The following SPTLC3 variants were observed in gnomAD, a reference collection of about 807,000 sequenced individuals.
SPTLC3 encodes serine palmitoyltransferase 3.
SPTLC3 carries 36 observed loss-of-function variants against 59.3 expected under a neutral mutation model. The observed-to-expected ratio is 0.61, with a 90% CI of 0.47 to 0.80. The LOEUF is 0.80. Among genes scored for constraint, SPTLC3 ranks in the 30% least tolerant of loss-of-function variants. The pLI, the probability that SPTLC3 is intolerant of heterozygous loss-of-function variation, is 0.00. For synonymous variants in SPTLC3, 257 were observed against 240.8 expected (o/e 1.07, Z -0.62); for missense variants, 625 against 685.1 (o/e 0.91, Z 0.98).
chr20:13,157,227 C>A (rs2038791935), intron 10 of SPTLC3, among the ~76,000 whole-genome samples: 1 of 147,992 alleles, frequency 6.8e-6, no homozygotes, highest in Non-Finnish European at 1.5e-5. Context: ...CACCTGAGGT[C>A]AGGAGTTTGA....
intron 1 of SPTLC3, among the ~76,000 whole-genome samples, chr20:13,013,851 C>T (rs1030395906): frequency 2.0e-5 from 3 of 152,154 alleles, no homozygotes; most frequent in Non-Finnish European, 2.9e-5. Flanking sequence ...ATGATTCAGG[C>T]AGGGGCTGCT....
At chr20:13,018,284 C>A (rs1281894413) in intron 1 of SPTLC3, among the ~76,000 whole-genome samples, 1 of 152,202 alleles carries the variant, frequency 6.6e-6, no homozygotes, top group African/African-American at 2.4e-5. Flanking sequence ...TGTGCAATCT[C>A]AGTACCATTT....
In SPTLC3 at chr20:13,051,318, A is replaced by C. The variant is rs113501217; in HGVS notation, c.303+2188A>C. 4.1e-4 allele frequency among the ~76,000 whole-genome samples: 63 copies of C among 152,372 alleles called. 2 individuals are homozygous for C. The highest frequency in any genetic ancestry group is 3.3e-3 in the South Asian group (16 of 4,826). ...TTCTAATATCAGACAACTGTAAAGC[A>C]ACAGTGGTTAAAAGGAACAAAGAGG... On this transcript the variant is annotated intron_variant, in intron 2 of 11. Coordinates refer to ENST00000399002, the MANE Select transcript of SPTLC3 (RefSeq NM_018327.4).
chr20:13,167,028 C>T lies in SPTLC3; in HGVS notation c.*2161C>T, dbSNP rs182573330. The T allele has an allele frequency of 6.6e-5, 10 of 152,192 alleles. No homozygotes were observed. The East Asian group carries it at 1.9e-3, about 29-fold the overall frequency. The allele number at this position is 152,192 out of a possible 1,614,324, so 9.4% of individuals were successfully genotyped here. ...AAAGGACCTGTTTCTGTTAGAGAGT[C>T]CATGTTGAATATACAGGTATGAGAA... On this transcript the variant is annotated 3_prime_UTR_variant, in exon 12 of 12. Coordinates refer to ENST00000399002, the MANE Select transcript of SPTLC3 (RefSeq NM_018327.4).
At chr20:13,016,205 G>T (rs1029142299) in intron 1 of SPTLC3, among the ~76,000 whole-genome samples, 3 of 152,080 alleles carry the variant, frequency 2.0e-5, no homozygotes, top group Non-Finnish European at 2.9e-5. Context: ...TCAGAAAAGG[G>T]AAGGAAAGGA....
intron 6 of SPTLC3, among the ~76,000 whole-genome samples, chr20:13,108,666 C>A: frequency 6.6e-6 from 1 of 150,898 alleles, no homozygotes; most frequent in East Asian, 2.0e-4. Context: ...CATCCGTCTC[C>A]TGGGTTCAAG....
chr20:13,105,283 A>T (rs1157043710), intron 6 of SPTLC3, among the ~76,000 whole-genome samples: 2 of 151,668 alleles, frequency 1.3e-5, no homozygotes, highest in Admixed American at 1.3e-4. Context: ...AAAAATGGCT[A>T]ATTGATTTTC....
intron 2 of SPTLC3, among the ~76,000 whole-genome samples, chr20:13,066,340 T>G (rs555240502): frequency 6.6e-6 from 1 of 152,336 alleles, no homozygotes; most frequent in African/African-American, 2.4e-5. Flanking sequence ...CCATTGTGTG[T>G]TTTTGGCTCC....
At chr20:13,010,211 C>A (rs1985166930) in intron 1 of SPTLC3, among the ~76,000 whole-genome samples, 1 of 152,098 alleles carries the variant, frequency 6.6e-6, no homozygotes. Context: ...CTGCTCTGAG[C>A]AGCAGAAGTG....
intron 4 of SPTLC3, among the ~76,000 whole-genome samples, chr20:13,075,306 C>A (rs1465559643): frequency 6.6e-6 from 1 of 152,168 alleles, no homozygotes; most frequent in African/African-American, 2.4e-5. Context: ...CTCCTAGTGA[C>A]ACATGCAAGG....
intron 2 of SPTLC3, among the ~76,000 whole-genome samples, chr20:13,063,753 C>T (rs1426231765): frequency 6.6e-6 from 1 of 150,764 alleles, no homozygotes; most frequent in African/African-American, 2.4e-5. Context: ...CCCATGGGTT[C>T]AAGTGATTCT....
chr20:13,039,766 T>C (rs1394801556), intron 1 of SPTLC3, among the ~76,000 whole-genome samples: 1 of 152,162 alleles, frequency 6.6e-6, no homozygotes, highest in Admixed American at 6.5e-5. Context: ...TAATAATTTT[T>C]CACTTTTTTT....
intron 9 of SPTLC3, among the ~76,000 whole-genome samples, chr20:13,131,877 C>A (rs12479690): frequency 0.15 from 22,111 of 152,148 alleles, 2,228 homozygotes; most frequent in East Asian, 0.39. Context: ...AGAGTCCAGA[C>A]TGTGGTCTTC....
Position 13,009,247 on chromosome 20 carries a change from G to T in SPTLC3, c.-21G>T. On this transcript the variant is annotated 5_prime_UTR_variant, in exon 1 of 12. Coordinates refer to ENST00000399002, the MANE Select transcript of SPTLC3 (RefSeq NM_018327.4). ...AGACCTCTGAAGGAAAACCTGTCCC[G>T]GGCTCTGTCACTTCACACCCATGGC... 2 of 1,607,348 alleles carry T rather than the reference G, an allele frequency of 1.2e-6. No homozygotes were observed. Among genetic ancestry groups the T allele is most frequent in the Non-Finnish European group, 1.7e-6 (2 of 1,174,172 alleles).
intron 9 of SPTLC3, among the ~76,000 whole-genome samples, chr20:13,129,675 T>A (rs1000038719): frequency 1.3e-5 from 2 of 152,228 alleles, no homozygotes; most frequent in African/African-American, 4.8e-5. Context: ...AACTTTGCAA[T>A]CATGTCCTTC....
chr20:13,049,074 T>C lies in SPTLC3; in HGVS notation c.247T>C (p.Leu83=). 1 of 1,613,930 alleles carries C rather than the reference T, an allele frequency of 6.2e-7. No homozygotes were observed. The highest frequency in any genetic ancestry group is 8.5e-7 in the Non-Finnish European group (1 of 1,179,906). The change falls in exon 2 of 12, where the codon TTA becomes CTA. Residue 83 remains leucine (L), a synonymous_variant. Coordinates refer to ENST00000399002, the MANE Select transcript of SPTLC3 (RefSeq NM_018327.4). ...CCTGTTTGGCTATCTCAGAGACTTT[T>C]TAAGAAACTGGGGAATAGAAAAATG... ...GTLFGYLRDF[L]RNWGIEKCNA...
Position 13,154,091 on chromosome 20 carries a change from G to T in SPTLC3, c.1368G>T (p.Glu456Asp), listed in dbSNP as rs1425922720. The T allele has an allele frequency of 6.2e-7, 1 of 1,614,148 alleles. No homozygotes were observed. The highest frequency in any genetic ancestry group is 2.2e-5 in the East Asian group (1 of 44,872). Reference protein sequence around the residue: ...QEMGFIIYGNENASVVPLLLY... With the variant: ...QEMGFIIYGNDNASVVPLLLY... ...TGGGATTCATTATCTATGGCAATGA[G>T]AATGCTTCTGTTGTTCCTCTGCTTC... Residue 456 changes from glutamate (E) to aspartate (D), a missense_variant, in exon 10 of 12, where the codon GAG becomes GAT. Coordinates refer to ENST00000399002, the MANE Select transcript of SPTLC3 (RefSeq NM_018327.4).
At chr20:13,054,651 T>C (rs1987642761) in intron 2 of SPTLC3, among the ~76,000 whole-genome samples, 1 of 152,126 alleles carries the variant, frequency 6.6e-6, no homozygotes, top group African/African-American at 2.4e-5. Context: ...TTCACTGAGA[T>C]GGGTAATAGA....
At chr20:13,029,965 T>C (rs1157247487) in intron 1 of SPTLC3, among the ~76,000 whole-genome samples, 7 of 152,162 alleles carry the variant, frequency 4.6e-5, no homozygotes, top group Admixed American at 4.6e-4. Context: ...TGGTCTAGCA[T>C]CAGGGGACAG....
Sources: gnomAD v4.1 joint callset for allele counts (sites outside exome capture counted in the v4.1 genomes callset) on GRCh38, gnomAD v4.1.1 for gene constraint, MANE v1.5 for transcripts, NCBI Gene and HGNC (gene_info 2026-07-23, HGNC 2026-07-21) for gene names.